The following ACSF2 variants were observed in gnomAD, a reference collection of about 807,000 sequenced individuals.
ACSF2 encodes medium-chain acyl-CoA ligase ACSF2, mitochondrial.
In ACSF2, 52 loss-of-function variants were observed where a neutral mutation model predicts 79.3. The observed-to-expected ratio is 0.66, with a 90% confidence interval of 0.53 to 0.83. The LOEUF is 0.83. ACSF2 is among the 40% of genes least tolerant of loss of function. The probability of loss-of-function intolerance (pLI) is 0.00; values close to 1 mark genes in which losing one functional copy is unlikely to be tolerated. For missense variants in ACSF2, 661 were observed against 803.3 expected (o/e 0.82, Z 2.14); for synonymous variants, 283 against 312.6 (o/e 0.91, Z 1.00).
chr17:50,440,278 A>G (rs2030795372), intron 1 of ACSF2, among the ~76,000 whole-genome samples: 5 of 151,430 alleles, frequency 3.3e-5, no homozygotes, highest in Admixed American at 3.3e-4. Context: ...CTGTTCCTGC[A>G]GTCTCTGGGC....
At chr17:50,466,994 T>C (rs1326723516) in intron 10 of ACSF2, among the ~76,000 whole-genome samples, 3 of 152,062 alleles carry the variant, frequency 2.0e-5, no homozygotes, top group African/African-American at 7.2e-5. Flanking sequence ...TCTGCCCACA[T>C]CTCCACACCC....
At chr17:50,432,274 C>G (rs967803624) in intron 1 of ACSF2, among the ~76,000 whole-genome samples, 5 of 152,178 alleles carry the variant, frequency 3.3e-5, no homozygotes, top group African/African-American at 1.2e-4. Context: ...GCTTAACACA[C>G]AGTTTGATGC....
chr17:50,468,047 A>T (rs2032852190), intron 10 of ACSF2: 1 of 1,585,192 alleles, frequency 6.3e-7, no homozygotes, highest in Non-Finnish European at 8.6e-7. Flanking sequence ...CACCTTCTCC[A>T]GGTTGGTGTT....
At chr17:50,446,775 G>C (rs896786142) in intron 1 of ACSF2, among the ~76,000 whole-genome samples, 2 of 152,130 alleles carry the variant, frequency 1.3e-5, no homozygotes, top group Non-Finnish European at 2.9e-5. Context: ...TTAAAATCTG[G>C]CTTCTTTCAT....
At chr17:50,457,794 A>G (rs1224093769) in intron 1 of ACSF2, among the ~76,000 whole-genome samples, 1 of 152,150 alleles carries the variant, frequency 6.6e-6, no homozygotes, top group African/African-American at 2.4e-5. Flanking sequence ...GGGCTGGCAC[A>G]TAGTAGGTGC....
At chr17:50,464,592 C>T in intron 10 of ACSF2, 1 of 561,964 alleles carries the variant, frequency 1.8e-6, no homozygotes, top group Non-Finnish European at 3.4e-6. Context: ...GCTAGAACGT[C>T]CTGGCAGGTG....
In ACSF2 at chr17:50,463,631, A is replaced by G; in HGVS notation, c.1046+79A>G. 1 of 1,570,132 alleles carries G rather than the reference A, an allele frequency of 6.4e-7. No individual in the cohort carries two copies. Among genetic ancestry groups the G allele is most frequent in the Non-Finnish European group, 8.7e-7 (1 of 1,154,834 alleles). ...ACTCCTGGGCCCTGACACCTTTCCA[A>G]GCTGCCTCCTCCCTCCAGCCAGGAG... On this transcript the variant is annotated intron_variant, in intron 8 of 15. Transcript: ENST00000300441. The surrounding 1 kb of genome is among the most constrained non-coding windows in gnomAD (Gnocchi z 4.6).
intron 10 of ACSF2, chr17:50,465,150 G>T (rs2032614205): frequency 2.2e-6 from 2 of 911,888 alleles, no homozygotes; most frequent in African/African-American, 3.4e-5. Flanking sequence ...CCCTTCAACA[G>T]GGGACCCAGT....
chr17:50,443,214 T>C (rs1370705262), intron 1 of ACSF2, among the ~76,000 whole-genome samples: 2 of 151,924 alleles, frequency 1.3e-5, no homozygotes, highest in African/African-American at 4.8e-5. Context: ...GGCCAGGTTT[T>C]TGTTTGTTTG....
At chr17:50,464,726 G>A (rs2032567240) in intron 10 of ACSF2, 2 of 398,496 alleles carry the variant, frequency 5.0e-6, no homozygotes, top group South Asian at 1.8e-5. Context: ...ATCCTGGGAG[G>A]GTGGCCATCC....
intron 10 of ACSF2, chr17:50,468,913 T>C: frequency 7.1e-7 from 1 of 1,414,120 alleles, no homozygotes; most frequent in Non-Finnish European, 9.2e-7. Context: ...CTTTATACGG[T>C]GGCCCTGACC....
At chr17:50,441,921 C>G (rs2030947195) in intron 1 of ACSF2, among the ~76,000 whole-genome samples, 1 of 152,128 alleles carries the variant, frequency 6.6e-6, no homozygotes. Context: ...CTTACAGCAG[C>G]CTCGCCCTTG....
intron 1 of ACSF2, among the ~76,000 whole-genome samples, chr17:50,435,846 C>T (rs547614625): frequency 1.2e-4 from 18 of 151,302 alleles, no homozygotes; most frequent in African/African-American, 2.7e-4. Flanking sequence ...TCCAACTCCT[C>T]GGTTCAAGCA....
chr17:50,468,352 G>C, intron 10 of ACSF2: 1 of 1,614,060 alleles, frequency 6.2e-7, no homozygotes, highest in Non-Finnish European at 8.5e-7. Flanking sequence ...TGTTGTTGTT[G>C]AGCTGCAAGA....
At chr17:50,473,255 C>G in intron 12 of ACSF2, 1 of 190,492 alleles carries the variant, frequency 5.2e-6, no homozygotes, top group Non-Finnish European at 1.1e-5. Context: ...AGGACTCCAT[C>G]TCAAAAACAA....
intron 1 of ACSF2, among the ~76,000 whole-genome samples, chr17:50,455,387 T>C (rs1206397532): frequency 6.6e-6 from 1 of 152,122 alleles, no homozygotes; most frequent in Non-Finnish European, 1.5e-5. Flanking sequence ...AGGTAGTTTA[T>C]TTTGGAGAGT....
intron 10 of ACSF2, among the ~76,000 whole-genome samples, chr17:50,466,172 C>T (rs1259979548): frequency 6.6e-6 from 1 of 151,100 alleles, no homozygotes; most frequent in Non-Finnish European, 1.5e-5. Flanking sequence ...CTGCAAGCTC[C>T]GCCTCCCGGG....
chr17:50,434,763 G>A (rs1393252532), intron 1 of ACSF2, among the ~76,000 whole-genome samples: 4 of 151,902 alleles, frequency 2.6e-5, no homozygotes, highest in African/African-American at 7.3e-5. Context: ...TTTGTAGTTG[G>A]TATTTTTCAG....
intron 10 of ACSF2, chr17:50,469,098 C>T: frequency 8.4e-7 from 1 of 1,184,144 alleles, no homozygotes; most frequent in Non-Finnish European, 1.1e-6. Flanking sequence ...AGCCCTGAGC[C>T]CCGGCTGTAG....
Sources: gnomAD v4.1 joint callset for allele counts (sites outside exome capture counted in the v4.1 genomes callset) on GRCh38, gnomAD v4.1.1 for gene constraint, Gnocchi (gnomAD v3.1) non-coding constraint, MANE v1.5 for transcripts, NCBI Gene and HGNC (gene_info 2026-07-23, HGNC 2026-07-21) for gene names.